The following GRID1 variants were observed in gnomAD, a reference collection of about 807,000 sequenced individuals.
GRID1 encodes glutamate receptor ionotropic, delta-1.
A neutral mutation model predicts 98.0 loss-of-function variants in GRID1; 28 were observed. The ratio of observed to expected loss-of-function variants is 0.29; its 90% CI spans 0.21 to 0.39. The LOEUF (loss-of-function observed/expected upper bound fraction) is 0.39, where lower values mean the gene tolerates loss of function less well. Ranked by LOEUF, GRID1 falls within the 10% of genes least tolerant of loss-of-function variation. GRID1 has a pLI of 1.00. For missense variants in GRID1, 1,111 were observed against 1,340.5 expected, an observed-to-expected ratio of 0.83 and a Z score of 2.67; for synonymous variants, 553 against 538.5, an observed-to-expected ratio of 1.03 and a Z score of -0.37.
chr10:85,941,837 A>C lies in GRID1; in HGVS notation c.727-25598T>G, dbSNP rs113479807. On this transcript the variant is annotated intron_variant, in intron 4 of 15. Transcript: ENST00000327946. Reference sequence around the variant, plus strand: ...TAGTGGCAGAAACGTAATTTTAAGCAATGGAAAGTGAGATCAGGCAAATAA... The same window carrying C: ...TAGTGGCAGAAACGTAATTTTAAGCCATGGAAAGTGAGATCAGGCAAATAA... Among the ~76,000 whole-genome samples the C allele has an allele frequency of 3.1e-3, 468 of 152,306 alleles. 3 individuals carry two copies. Among genetic ancestry groups the C allele is most frequent in the African/African-American group, 0.011 (452 of 41,558 alleles).
intron 2 of GRID1, among the ~76,000 whole-genome samples, chr10:86,270,053 G>A (rs750561197): frequency 2.0e-5 from 3 of 152,146 alleles, no homozygotes; most frequent in Non-Finnish European, 4.4e-5. Context: ...CTGGAACAGC[G>A]TTTATAATTG....
At chr10:85,869,270 A>C (rs2131793449) in intron 5 of GRID1, 90 bp from the exon 6 acceptor site, 1 of 1,153,632 alleles carries the variant, frequency 8.7e-7, no homozygotes, top group Non-Finnish European at 1.3e-6. Flanking sequence ...CAGCAGCCTG[A>C]AAAGCTGATG....
At chr10:85,830,952 T>A (rs1188426510) in intron 8 of GRID1, among the ~76,000 whole-genome samples, 1 of 152,144 alleles carries the variant, frequency 6.6e-6, no homozygotes, top group Admixed American at 6.6e-5. Context: ...AGCAATTTCG[T>A]TATTGGGTAT....
chr10:86,297,127 C>T (rs1379881628), intron 2 of GRID1, among the ~76,000 whole-genome samples: 1 of 151,938 alleles, frequency 6.6e-6, no homozygotes, highest in Non-Finnish European at 1.5e-5. Flanking sequence ...AAAAGGATTT[C>T]TCCAAGGAAT....
intron 3 of GRID1, among the ~76,000 whole-genome samples, chr10:86,177,320 GA>G (rs1845589257): frequency 6.6e-6 from 1 of 152,180 alleles, no homozygotes; most frequent in African/African-American, 2.4e-5. Context: ...CACCCCGTGG[GA>G]AAACCCTGCT....
At chr10:86,264,828 T>C in intron 2 of GRID1, 1 of 464,080 alleles carries the variant, frequency 2.2e-6, no homozygotes, top group Non-Finnish European at 4.5e-6. Context: ...CCCTTCCTGG[T>C]TGGCCCTGCA....
chr10:86,053,853 T>C (rs73344028), intron 4 of GRID1, among the ~76,000 whole-genome samples: 12,821 of 152,260 alleles, frequency 0.084, 670 homozygotes, highest in East Asian at 0.15. Flanking sequence ...CATGCTCATA[T>C]GTGTGCATAA....
At chr10:86,307,680 TAA>T (rs1847777332) in intron 2 of GRID1, among the ~76,000 whole-genome samples, 1 of 152,214 alleles carries the variant, frequency 6.6e-6, no homozygotes, top group Non-Finnish European at 1.5e-5. Context: ...GAGAATTTCT[TAA>T]GTTTCCTCAC....
Position 85,661,184 on chromosome 10 carries a change from T to TA in GRID1, c.1998-13788dup, listed in dbSNP as rs575613238. 4.3e-3 allele frequency among the ~76,000 whole-genome samples: 646 copies of TA among 151,898 alleles called. 6 individuals are homozygous for TA. The highest frequency in any genetic ancestry group is 0.014 in the African/African-American group (571 of 41,400). ...TTGAATCTGCATTTTTTTTTTTTTT[T>TA]AGCCCGGGCCTGTGATTTCTGGGTC... On this transcript the variant is annotated intron_variant, in intron 12 of 15. Coordinates refer to ENST00000327946, the MANE Select transcript of GRID1 (RefSeq NM_017551.3).
intron 8 of GRID1, among the ~76,000 whole-genome samples, chr10:85,737,748 A>G (rs1402042663): frequency 6.8e-6 from 1 of 146,916 alleles, no homozygotes; most frequent in Non-Finnish European, 1.5e-5. Flanking sequence ...ATATTCATAT[A>G]TATACAACCA....
At position 85,916,305 on chromosome 10, in the gene GRID1, G is replaced by T; in HGVS notation, c.727-66C>A. ...AGAAGCTGGCAGACACAGGATGATT[G>T]CCGAGACAGAGTTTTATAAACATTG... On this transcript the variant is annotated intron_variant, in intron 4 of 15. Coordinates refer to ENST00000327946, the MANE Select transcript of GRID1 (RefSeq NM_017551.3). This position sits in a 1 kb window ranked among gnomAD's most constrained non-coding sequence, Gnocchi z 4.0. The T allele has an allele frequency of 8.7e-7, 1 of 1,143,498 alleles. No homozygotes were observed. Among genetic ancestry groups the T allele is most frequent in the Middle Eastern group, 2.0e-4 (1 of 5,122 alleles). 70.8% of individuals were successfully genotyped at this position (1,143,498 alleles called of 1,614,324 possible). A position where few individuals can be genotyped will look rare whatever the true frequency, so the allele number is the denominator to read the frequency against.
At chr10:86,146,384 G>T (rs1030371628) in intron 3 of GRID1, among the ~76,000 whole-genome samples, 1 of 152,170 alleles carries the variant, frequency 6.6e-6, no homozygotes, top group South Asian at 2.1e-4. Flanking sequence ...ATTTCTAAGA[G>T]CCCTACCCAG....
At chr10:85,795,532 A>C (rs1842518805) in intron 8 of GRID1, among the ~76,000 whole-genome samples, 1 of 152,188 alleles carries the variant, frequency 6.6e-6, no homozygotes, top group Non-Finnish European at 1.5e-5. Flanking sequence ...AGGCATTTTT[A>C]TTTTTCATTT....
intron 4 of GRID1, among the ~76,000 whole-genome samples, chr10:85,970,895 A>C (rs573048592): frequency 1.3e-5 from 2 of 152,176 alleles, no homozygotes; most frequent in South Asian, 2.1e-4. Flanking sequence ...AAGTAAAACT[A>C]TCTATATTTG....
Position 86,300,314 on chromosome 10 carries a change from C to T in GRID1, c.235+63627G>A, listed in dbSNP as rs111236464. On this transcript the variant is annotated intron_variant, in intron 2 of 15. Coordinates refer to ENST00000327946, the MANE Select transcript of GRID1 (RefSeq NM_017551.3). ...AATTTGATATGGTAGCCCTAGAAAA[C>T]TAAAACAGTGGGCTCGATGGCGCAA... Among the ~76,000 whole-genome samples the T allele has an allele frequency of 4.6e-5, 7 of 151,636 alleles. 1 individual carries two copies. Among genetic ancestry groups the T allele is most frequent in the African/African-American group, 1.7e-4 (7 of 41,276 alleles).
Position 85,613,649 on chromosome 10 carries a change from T to C in GRID1, c.2361-2A>G. The C allele has an allele frequency of 6.2e-7, 1 of 1,612,060 alleles. No individual in the cohort carries two copies. ...CCTGTGTCCTGCAGCTCCAGGATCC[T>C]GTAAGACACAATCAAGGTGAGCTAT... is the stretch of plus-strand genomic sequence containing the variant. On this transcript the variant is annotated splice_acceptor_variant, in intron 14 of 15. Coordinates refer to ENST00000327946, the MANE Select transcript of GRID1 (RefSeq NM_017551.3). LOFTEE classifies it high-confidence loss of function.
At chr10:86,323,419 A>G (rs1027779020) in intron 2 of GRID1, among the ~76,000 whole-genome samples, 3 of 152,252 alleles carry the variant, frequency 2.0e-5, no homozygotes, top group Non-Finnish European at 4.4e-5. Context: ...GATGCATACA[A>G]GTCAATGAAA....
At position 86,000,504 on chromosome 10, in the gene GRID1, C is replaced by T. The variant is rs188017790; in HGVS notation, c.727-84265G>A. Among the ~76,000 whole-genome samples, 269 of 152,302 alleles carry T rather than the reference C, an allele frequency of 1.8e-3. 1 individual carries two copies. The highest frequency in any genetic ancestry group is 6.2e-3 in the African/African-American group (256 of 41,554). ...GTTGAAAAATCAGTTGAAGAAATCA[C>T]TCTAATCAATTTTCAGACTCACCAT... On this transcript the variant is annotated intron_variant, in intron 4 of 15. Coordinates refer to ENST00000327946, the MANE Select transcript of GRID1 (RefSeq NM_017551.3).
Position 86,206,317 on chromosome 10 carries a change from C to T in GRID1, c.520+47G>A, listed in dbSNP as rs763101912. 4.5e-6 allele frequency: 7 copies of T among 1,549,094 alleles called. No homozygotes were observed. The East Asian group carries it at 6.8e-5, about 15-fold the overall frequency. On this transcript the variant is annotated intron_variant, in intron 3 of 15. Transcript: ENST00000327946. This position sits in a 1 kb window ranked among gnomAD's most constrained non-coding sequence, Gnocchi z 4.1. ...CACTCTCAGGTCTCCCAGCATCTGG[C>T]CATCCCTGTCCCCAAGCAGCCCCAG...
Sources: allele counts gnomAD v4.1 joint callset (sites outside exome capture counted in the v4.1 genomes callset), GRCh38; gene constraint gnomAD v4.1.1; non-coding constraint Gnocchi (gnomAD v3.1); transcripts MANE v1.5; gene names NCBI Gene and HGNC (gene_info 2026-07-23, HGNC 2026-07-21).